The following FAM169A variants were observed in gnomAD, a reference collection of about 807,000 sequenced individuals.
FAM169A encodes the protein soluble lamin-associated protein of 75 kDa.
Under a neutral mutation model 75.7 loss-of-function variants are expected in FAM169A, and 24 were observed. The observed-to-expected ratio is 0.32, with a 90% CI of 0.23 to 0.45. The LOEUF (loss-of-function observed/expected upper bound fraction) is 0.45, where lower values mean the gene tolerates loss of function less well. Among genes scored for constraint, FAM169A ranks in the 20% least tolerant of loss-of-function variants. FAM169A has a pLI of 1.00. For missense variants in FAM169A, 673 were observed against 784.0 expected (o/e 0.86, Z 1.69); for synonymous variants, 271 against 271.0 (o/e 1.00, Z 0.00).
intron 1 of FAM169A, among the ~76,000 whole-genome samples, chr5:74,858,505 T>G (rs1431689206): frequency 6.6e-6 from 1 of 152,166 alleles, no homozygotes; most frequent in East Asian, 1.9e-4. Flanking sequence ...TACCACATGT[T>G]CTCACTTACA....
chr5:74,799,026 C>A, intron 10 of FAM169A: 1 of 1,158,206 alleles, frequency 8.6e-7, no homozygotes, highest in South Asian at 1.2e-5. Flanking sequence ...TAGAGCCAAT[C>A]AACTGTCGTG....
At chr5:74,850,729 A>G (rs1450587874) in intron 1 of FAM169A, among the ~76,000 whole-genome samples, 1 of 152,264 alleles carries the variant, frequency 6.6e-6, no homozygotes, top group Admixed American at 6.5e-5. Context: ...GAAAAAACTC[A>G]GAGGCAAATT....
At position 74,796,139 on chromosome 5, in the gene FAM169A, T is replaced by C. The variant is rs1052362939; in HGVS notation, c.1151A>G (p.Glu384Gly). ...AATCCCTCTCTGTTCAGGTTCTTCTTCCAGGAATTCTTCTGAGCTCTCTGA... is the reference window on the plus strand; with the variant it reads ...AATCCCTCTCTGTTCAGGTTCTTCTCCCAGGAATTCTTCTGAGCTCTCTGA... ...RPSESSEEFL[E>G]EEPEQRGIEF... Residue 384 changes from glutamate (E) to glycine (G), a missense_variant, in exon 11 of 13, where the codon GAA becomes GGA. Around this residue, in one of 3 missense-constraint regions of FAM169A, gnomAD observed 510 missense variants for 550.9 expected, o/e 0.93. Coordinates refer to ENST00000687041, the MANE Select transcript of FAM169A (RefSeq NM_001376049.1). The C allele has an allele frequency of 1.9e-6, 3 of 1,613,994 alleles. No homozygotes were observed. The South Asian group carries it at 3.3e-5, about 18-fold the overall frequency.
At position 74,813,900 on chromosome 5, in the gene FAM169A, C is replaced by T. The variant is rs770601324; in HGVS notation, c.610G>A (p.Asp204Asn). The change falls in exon 6 of 13, where the codon GAT becomes AAT. Residue 204 changes from aspartate (D) to asparagine (N), a missense_variant. Transcript: ENST00000687041. ...FGLHMLEDFV[D>N]SFTEDALGLR... is the part of the protein sequence containing the mutation. Reference sequence around the variant, plus strand: ...CCAAGCGCATCTTCTGTAAAGGAATCAACAAAGTCCTCCAGCATGTGAAGC... The same window carrying T: ...CCAAGCGCATCTTCTGTAAAGGAATTAACAAAGTCCTCCAGCATGTGAAGC... 6.2e-7 allele frequency: 1 copy of T among 1,609,476 alleles called. No individual in the cohort carries two copies. The highest frequency in any genetic ancestry group is 8.5e-7 in the Non-Finnish European group (1 of 1,178,838).
chr5:74,811,428 T>C (rs1747187540), intron 6 of FAM169A, among the ~76,000 whole-genome samples: 1 of 152,216 alleles, frequency 6.6e-6, no homozygotes, highest in Admixed American at 6.5e-5. Flanking sequence ...TAATGCATTT[T>C]AGGACTATCC....
chr5:74,828,888 A>G (rs1310606326), intron 5 of FAM169A, among the ~76,000 whole-genome samples: 2 of 152,102 alleles, frequency 1.3e-5, no homozygotes, highest in Non-Finnish European at 2.9e-5. Flanking sequence ...CTTTAACCAA[A>G]GCATTAGCAC....
rs140088950 is a variant in FAM169A at position 74,822,483 on chromosome 5, A to G, written c.491-8464T>C. ...TTTCCTCTTATCTCTCAGCAGATCAACATTTCCTTGTTAACTCTCAGGTCA... is the reference window on the plus strand; with the variant it reads ...TTTCCTCTTATCTCTCAGCAGATCAGCATTTCCTTGTTAACTCTCAGGTCA... On this transcript the variant is annotated intron_variant, in intron 5 of 12. Transcript: ENST00000687041. Among the ~76,000 whole-genome samples the G allele has an allele frequency of 1.4e-4, 21 of 152,296 alleles. No individual in the cohort carries two copies. The East Asian group carries it at 3.7e-3, about 27-fold the overall frequency.
chr5:74,837,926 T>C (rs1252115099), intron 4 of FAM169A, among the ~76,000 whole-genome samples: 3 of 151,954 alleles, frequency 2.0e-5, no homozygotes, highest in African/African-American at 7.3e-5. Context: ...GAGACCAGCC[T>C]GACCAACATG....
rs529734835 is a variant in FAM169A, at chr5:74,853,681, C to G, written c.-3-12002G>C. On this transcript the variant is annotated intron_variant, in intron 1 of 12. Coordinates refer to ENST00000687041, the MANE Select transcript of FAM169A (RefSeq NM_001376049.1). ...TTTCTTCGGACTTTCTATATCTAATCACTGTGACCCATCTTCAGAATTTTT... is the reference window on the plus strand; with the variant it reads ...TTTCTTCGGACTTTCTATATCTAATGACTGTGACCCATCTTCAGAATTTTT... Among the ~76,000 whole-genome samples, 42 of 150,994 alleles carry G rather than the reference C, an allele frequency of 2.8e-4. No individual in the cohort carries two copies. In the South Asian group the frequency reaches 8.9e-3, roughly 32 times the overall value.
intron 6 of FAM169A, among the ~76,000 whole-genome samples, chr5:74,809,462 G>T (rs1322700484): frequency 6.6e-6 from 1 of 152,144 alleles, no homozygotes; most frequent in Non-Finnish European, 1.5e-5. Flanking sequence ...CAGGTGTGGT[G>T]GCAGGCGCCT....
intron 1 of FAM169A, among the ~76,000 whole-genome samples, chr5:74,859,993 G>A (rs2061162): frequency 0.23 from 35,165 of 152,098 alleles, 4,287 homozygotes; most frequent in Middle Eastern, 0.3. Context: ...CACTGATAAT[G>A]ATATTAGTAG....
At chr5:74,794,086 T>C (rs1746126713) in intron 11 of FAM169A, among the ~76,000 whole-genome samples, 2 of 151,144 alleles carry the variant, frequency 1.3e-5, no homozygotes, top group Admixed American at 6.6e-5. Flanking sequence ...GTCATGCCTG[T>C]AATCCCAGCA....
intron 1 of FAM169A, among the ~76,000 whole-genome samples, chr5:74,859,074 C>T (rs1287921420): frequency 6.6e-6 from 1 of 151,580 alleles, no homozygotes; most frequent in Non-Finnish European, 1.5e-5. Context: ...ATTAGCCAGG[C>T]ATGGTAGCAC....
chr5:74,826,624 ATTG>A (rs1305399833), intron 5 of FAM169A, among the ~76,000 whole-genome samples: 1 of 152,220 alleles, frequency 6.6e-6, no homozygotes, highest in Non-Finnish European at 1.5e-5. Flanking sequence ...TTTCTGACAT[ATTG>A]TTGACTTTTA....
At chr5:74,815,798 T>C (rs1747439836) in intron 5 of FAM169A, among the ~76,000 whole-genome samples, 1 of 152,174 alleles carries the variant, frequency 6.6e-6, no homozygotes, top group African/African-American at 2.4e-5. Context: ...TGACCTCTGG[T>C]TGTCCTCACT....
chr5:74,819,172 T>C (rs529051869), intron 5 of FAM169A, among the ~76,000 whole-genome samples: 5 of 151,540 alleles, frequency 3.3e-5, no homozygotes, highest in Non-Finnish European at 4.4e-5. Flanking sequence ...CGAGCTGAGA[T>C]TGCACCACTG....
intron 1 of FAM169A, chr5:74,865,750 C>G (rs1750293980): frequency 6.6e-6 from 1 of 152,360 alleles, no homozygotes; most frequent in South Asian, 2.1e-4. Flanking sequence ...TCCACACCTC[C>G]CCGAGTCCGC....
At chr5:74,804,406 A>G in intron 8 of FAM169A, 87 bp downstream of exon 8, 1 of 539,424 alleles carries the variant, frequency 1.9e-6, no homozygotes. Flanking sequence ...GAACTATGAC[A>G]TTTAAAACTC....
intron 1 of FAM169A, among the ~76,000 whole-genome samples, chr5:74,862,678 C>G (rs901105007): frequency 5.9e-5 from 9 of 152,218 alleles, no homozygotes; most frequent in African/African-American, 2.2e-4. Flanking sequence ...GTACACCTTA[C>G]AAGGACTACT....
Sources: allele counts gnomAD v4.1 joint callset (sites outside exome capture counted in the v4.1 genomes callset), GRCh38; gene constraint gnomAD v4.1.1; regional missense constraint gnomAD v4.1.1; transcripts MANE v1.5; gene names NCBI Gene and HGNC (gene_info 2026-07-23, HGNC 2026-07-21).